The following FAM13A variants were observed in gnomAD, a reference collection of about 807,000 sequenced individuals.
FAM13A encodes the protein family with sequence similarity 13 member A.
A neutral mutation model predicts 129.6 loss-of-function variants in FAM13A; 76 were observed. The observed-to-expected ratio is 0.59, with a 90% CI of 0.49 to 0.71. The LOEUF (loss-of-function observed/expected upper bound fraction) is 0.71. FAM13A is among the 30% of genes least tolerant of loss of function. FAM13A has a pLI of 0.00. For missense variants in FAM13A, 1,108 were observed against 1,249.3 expected, an observed-to-expected ratio of 0.89 and a Z score of 1.70; for synonymous variants, 443 against 449.9, an observed-to-expected ratio of 0.98 and a Z score of 0.20.
At chr4:88,971,806 G>A (rs1276940798) in intron 4 of FAM13A, among the ~76,000 whole-genome samples, 1 of 152,090 alleles carries the variant, frequency 6.6e-6, no homozygotes, top group Non-Finnish European at 1.5e-5. Flanking sequence ...CACCGCTCCT[G>A]GAACACTTCT....
intron 5 of FAM13A, among the ~76,000 whole-genome samples, chr4:88,935,544 T>C (rs1188458017): frequency 2.0e-5 from 3 of 152,116 alleles, no homozygotes; most frequent in Non-Finnish European, 4.4e-5. Context: ...AAAACTGAAC[T>C]CATATGAAAA....
At chr4:88,974,274 G>A (rs1295609199) in intron 4 of FAM13A, among the ~76,000 whole-genome samples, 1 of 152,062 alleles carries the variant, frequency 6.6e-6, no homozygotes, top group Admixed American at 6.6e-5. Context: ...TTCCACTGGG[G>A]CAAATAGTGA....
At chr4:89,008,235 C>T (rs748764587) in intron 3 of FAM13A, among the ~76,000 whole-genome samples, 39 of 152,110 alleles carry the variant, frequency 2.6e-4, no homozygotes, top group Admixed American at 8.5e-4. Context: ...CACAGATTGA[C>T]GCCCTAGCCC....
chr4:89,008,621 A>C (rs1300661924), intron 3 of FAM13A, among the ~76,000 whole-genome samples: 1 of 152,116 alleles, frequency 6.6e-6, no homozygotes, highest in Non-Finnish European at 1.5e-5. Flanking sequence ...GCAGATCCCA[A>C]CTCTGCACAA....
intron 5 of FAM13A, among the ~76,000 whole-genome samples, chr4:88,918,022 C>T (rs1370642268): frequency 6.6e-6 from 1 of 152,188 alleles, no homozygotes; most frequent in East Asian, 1.9e-4. Flanking sequence ...TGCCTGCTGC[C>T]CAGAACCTTA....
intron 14 of FAM13A, among the ~76,000 whole-genome samples, chr4:88,752,589 G>A (rs954109708): frequency 6.6e-6 from 1 of 152,210 alleles, no homozygotes; most frequent in East Asian, 1.9e-4. Flanking sequence ...GCTGGTAGAT[G>A]TGCCTGGCTA....
chr4:88,832,122 A>G (rs1404850700), intron 7 of FAM13A, among the ~76,000 whole-genome samples: 1 of 152,218 alleles, frequency 6.6e-6, no homozygotes. Flanking sequence ...ACCTGACAAA[A>G]GCAAGCAATG....
chr4:88,952,483 T>A (rs1363340237), intron 4 of FAM13A, among the ~76,000 whole-genome samples: 3 of 152,200 alleles, frequency 2.0e-5, no homozygotes, highest in Non-Finnish European at 4.4e-5. Context: ...TTCATGCTAT[T>A]TGACAGCAGT....
At chr4:88,915,047 A>T (rs1266328735) in intron 5 of FAM13A, among the ~76,000 whole-genome samples, 1 of 152,202 alleles carries the variant, frequency 6.6e-6, no homozygotes, top group Non-Finnish European at 1.5e-5. Context: ...GGAGAGCAGA[A>T]GACAGAGAGC....
At chr4:88,950,036 C>G (rs1028271146) in intron 4 of FAM13A, among the ~76,000 whole-genome samples, 1 of 152,110 alleles carries the variant, frequency 6.6e-6, no homozygotes, top group Non-Finnish European at 1.5e-5. Flanking sequence ...GGTTTGAAAT[C>G]AAGTTACCAA....
At chr4:89,041,067 C>T (rs894560474) in intron 1 of FAM13A, among the ~76,000 whole-genome samples, 1 of 152,168 alleles carries the variant, frequency 6.6e-6, no homozygotes, top group Non-Finnish European at 1.5e-5. Flanking sequence ...GGCCTTCAGC[C>T]ACCTACTTAA....
At chr4:88,848,248 T>G (rs1229364401) in intron 7 of FAM13A, among the ~76,000 whole-genome samples, 2 of 152,186 alleles carry the variant, frequency 1.3e-5, no homozygotes, top group African/African-American at 4.8e-5. Flanking sequence ...TCACATAAGC[T>G]ATAATGTGGA....
rs113119141 is a variant in FAM13A, at chr4:88,837,649, C to A, written c.1007+13371G>T. ...AGGAGAATCGCTTGAGCCTGGGAGG[C>A]GGAGGTTGCGGTGAGCCGAGATGAC... On this transcript the variant is annotated intron_variant, in intron 7 of 23. Coordinates refer to ENST00000264344, the MANE Select transcript of FAM13A (RefSeq NM_014883.4). 5.0e-3 allele frequency among the ~76,000 whole-genome samples: 671 copies of A among 133,454 alleles called. 4 individuals are homozygous for A. The highest frequency in any genetic ancestry group is 0.018 in the African/African-American group (634 of 36,088). The allele number at this position is 133,454 out of a possible 152,430, so 87.6% of individuals were successfully genotyped here.
intron 4 of FAM13A, among the ~76,000 whole-genome samples, chr4:88,965,150 A>G (rs573029153): frequency 6.6e-6 from 1 of 152,330 alleles, no homozygotes; most frequent in South Asian, 2.1e-4. Context: ...GAGCAGCTGT[A>G]GCATTCCTGT....
At chr4:88,989,228 CA>C (rs1762641906) in intron 4 of FAM13A, among the ~76,000 whole-genome samples, 1 of 130,262 alleles carries the variant, frequency 7.7e-6, no homozygotes, top group African/African-American at 2.9e-5. Context: ...AACAAACAAA[CA>C]AAAAGCTACA....
chr4:88,838,690 G>A (rs539736866), intron 7 of FAM13A, among the ~76,000 whole-genome samples: 56 of 151,248 alleles, frequency 3.7e-4, no homozygotes, highest in South Asian at 6.3e-4. Flanking sequence ...TTGTGCCGCT[G>A]CACTCCAGCC....
intron 2 of FAM13A, among the ~76,000 whole-genome samples, chr4:89,027,352 T>G (rs1560862436): frequency 2.0e-5 from 3 of 152,178 alleles, no homozygotes; most frequent in Middle Eastern, 6.8e-3. Context: ...AAAAAAATTT[T>G]TTTTAATTAG....
At chr4:88,837,323 T>G (rs1210129640) in intron 7 of FAM13A, among the ~76,000 whole-genome samples, 1 of 152,010 alleles carries the variant, frequency 6.6e-6, no homozygotes, top group Non-Finnish European at 1.5e-5. Context: ...TAGTGATAAA[T>G]ACATATTAAA....
Position 89,057,129 on chromosome 4 carries a change from A to T in FAM13A, c.-165T>A, listed in dbSNP as rs775016373. ...GAGCAGCTTCTAACATTTTAGGAAG[A>T]GTGGTTTTGCTTCTCTTTCCGCTGA... is the stretch of plus-strand genomic sequence containing the variant. On this transcript the variant is annotated 5_prime_UTR_variant, in exon 1 of 24. Transcript: ENST00000264344. 8.3e-6 allele frequency: 12 copies of T among 1,442,552 alleles called. No homozygotes were observed. The highest frequency in any genetic ancestry group is 1.1e-5 in the Non-Finnish European group (12 of 1,099,906). 89.4% of individuals were successfully genotyped at this position (1,442,552 alleles called of 1,614,324 possible).
Sources: gnomAD v4.1 joint callset for allele counts (sites outside exome capture counted in the v4.1 genomes callset) on GRCh38, gnomAD v4.1.1 for gene constraint, MANE v1.5 for transcripts, NCBI Gene and HGNC (gene_info 2026-07-23, HGNC 2026-07-21) for gene names.